The following THBS3 variants were observed in gnomAD, a reference collection of about 807,000 sequenced individuals.
The protein encoded by THBS3 is thrombospondin-3.
In THBS3, 78 loss-of-function variants were observed where a neutral mutation model predicts 118.3. That is an observed-to-expected ratio of 0.66 (90% CI 0.55 to 0.80). The LOEUF (loss-of-function observed/expected upper bound fraction) is 0.80, where lower values mean the gene tolerates loss of function less well. THBS3 is among the 30% of genes least tolerant of loss of function. THBS3 has a pLI of 0.00. For synonymous variants in THBS3, 427 were observed against 475.3 expected (o/e 0.90, Z 1.32); for missense variants, 1,057 against 1,247.4 (o/e 0.85, Z 2.30).
rs1491411368 is a variant in THBS3, at chr1:155,202,334, TCA to T, written c.1023_1024del (p.Cys341Ter). 1.9e-6 allele frequency: 3 copies of T among 1,614,064 alleles called. No individual in the cohort carries two copies. The South Asian group carries it at 3.3e-5, about 18-fold the overall frequency. ...GCCCTTGTACCCTCGAGGACAGGCC[TCA>T]CAGTGGAAGCCGGGCATGGTGTTGA... On this transcript the variant is annotated stop_gained and frameshift_variant, in exon 9 of 23. Transcript: ENST00000368378. LOFTEE classifies it high-confidence loss of function. This position sits in a 1 kb window ranked among gnomAD's most constrained non-coding sequence, Gnocchi z 5.5.
At chr1:155,208,723 G>T (rs535735384), upstream of THBS3, 1 of 466,384 alleles carries the variant, frequency 2.1e-6, no homozygotes. Context: ...CCTCCGCTCC[G>T]GCCGCCGCCA....
Position 155,201,219 on chromosome 1 carries a change from A to C in THBS3, c.1330-15T>G. On this transcript the variant is annotated splice_polypyrimidine_tract_variant and intron_variant, in intron 11 of 22. Coordinates refer to ENST00000368378, the MANE Select transcript of THBS3 (RefSeq NM_007112.5). ...CCCACGTTACACTAGGGCAACACAA[A>C]GGGTAGGAGCTAGCAGTTTGGTCTG... is the stretch of plus-strand genomic sequence containing the variant. 2 of 1,613,894 alleles carry C rather than the reference A, an allele frequency of 1.2e-6. No homozygotes were observed. The highest frequency in any genetic ancestry group is 1.7e-6 in the Non-Finnish European group (2 of 1,179,936).
Position 155,207,887 on chromosome 1 carries a change from C to T in THBS3, c.-11G>A. 1 of 1,613,578 alleles carries T rather than the reference C, an allele frequency of 6.2e-7. No homozygotes were observed. Among genetic ancestry groups the T allele is most frequent in the Non-Finnish European group, 8.5e-7 (1 of 1,179,874 alleles). ...TTCCTGCGTCTCCATGCCTCTCAGCCGGCTCACTACCCCTGGCAGGCAGGC... is the reference window on the plus strand; with the variant it reads ...TTCCTGCGTCTCCATGCCTCTCAGCTGGCTCACTACCCCTGGCAGGCAGGC... On this transcript the variant is annotated 5_prime_UTR_variant, in exon 1 of 23. Coordinates refer to ENST00000368378, the MANE Select transcript of THBS3 (RefSeq NM_007112.5).
chr1:155,199,855 G>C lies in THBS3; in HGVS notation c.1829C>G (p.Thr610Arg). The C allele has an allele frequency of 6.2e-7, 1 of 1,614,220 alleles. No individual in the cohort carries two copies. The highest frequency in any genetic ancestry group is 8.5e-7 in the Non-Finnish European group (1 of 1,180,038). The change falls in exon 16 of 23, where the codon ACA becomes AGA. Residue 610 changes from threonine (T) to arginine (R), a missense_variant and splice_region_variant. This residue lies in a region of THBS3 where 544 missense variants were observed against 715.6 expected (regional missense o/e 0.76). Transcript: ENST00000368378. The part of the protein sequence containing the change: ...SCPEMSNPTQ[T>R]DADSDLVGDV... ...CCCCACCAGGTCGCTGTCTGCATCT[G>C]TCTGAGAGAGAGGGACCTGTTCTCA...
At chr1:155,205,947 C>G (rs886705636) in intron 2 of THBS3, among the ~76,000 whole-genome samples, 16 of 152,186 alleles carry the variant, frequency 1.1e-4, no homozygotes, top group South Asian at 2.1e-4. Context: ...ACCCTCCTTC[C>G]AGGCATCCCC....
chr1:155,209,168 G>A, upstream of THBS3: 1 of 1,495,000 alleles, frequency 6.7e-7, no homozygotes, highest in South Asian at 1.3e-5. Context: ...CGCAACGATC[G>A]GAGGGGCGGT....
Position 155,195,954 on chromosome 1 carries a change from A to G in THBS3, c.2812+33T>C, listed in dbSNP as rs753547938. The G allele has an allele frequency of 1.6e-5, 26 of 1,614,086 alleles. No individual in the cohort carries two copies. In the East Asian group the frequency reaches 5.6e-4, roughly 35 times the overall value. On this transcript the variant is annotated intron_variant, in intron 22 of 22. Transcript: ENST00000368378. ...GGATGTGGCTCTCCCACAAGGCATG[A>G]AGGATTAGGTTGATCTCAATCAGCC...
intron 11 of THBS3, 96 bp downstream of exon 11, chr1:155,201,319 CCT>C: frequency 6.3e-7 from 1 of 1,575,404 alleles, no homozygotes; most frequent in South Asian, 1.2e-5. Context: ...CCCAGGCCCA[CCT>C]CTCTCCTATG....
At chr1:155,196,771 G>T in intron 21 of THBS3, 1 of 489,052 alleles carries the variant, frequency 2.0e-6, no homozygotes, top group Non-Finnish European at 3.7e-6. Flanking sequence ...GATGTGATGT[G>T]CCCCTTCACA....
chr1:155,202,309 G>T lies in THBS3; in HGVS notation c.1050C>A (p.Gly350=). 1.2e-6 allele frequency: 2 copies of T among 1,614,114 alleles called. No homozygotes were observed. Among genetic ancestry groups the T allele is most frequent in the Non-Finnish European group, 1.7e-6 (2 of 1,180,028 alleles). ...CAATGCCCACACCAGACACCTGTGT[G>T]CCCTTGTACCCTCGAGGACAGGCCT... ...HCEACPRGYK[G]TQVSGVGIDY... The change falls in exon 9 of 23, where the codon GGC becomes GGA. Residue 350 remains glycine, a synonymous_variant. Coordinates refer to ENST00000368378, the MANE Select transcript of THBS3 (RefSeq NM_007112.5). The surrounding 1 kb of genome is among the most constrained non-coding windows in gnomAD (Gnocchi z 5.5).
rs1318518434 is a variant in THBS3, at chr1:155,195,640, A to T, written c.*201T>A. 2 of 579,806 alleles carry T rather than the reference A, an allele frequency of 3.4e-6. No homozygotes were observed. The highest frequency in any genetic ancestry group is 6.2e-6 in the Non-Finnish European group (2 of 323,944). The allele number at this position is 579,806 out of a possible 1,614,324, so 35.9% of individuals were successfully genotyped here. A position where few individuals can be genotyped will look rare whatever the true frequency, so the allele number is the denominator to read the frequency against. ...ATGTGCTGTCATCTTTCCTGGGGTT[A>T]GTGCCTGAGTAATACCCCTTGAAAA... On this transcript the variant is annotated 3_prime_UTR_variant, in exon 23 of 23. Transcript: ENST00000368378.
rs1453300503 is a variant in THBS3 at position 155,200,976 on chromosome 1, C to A, written c.1469G>T (p.Gly490Val). The A allele has an allele frequency of 6.2e-7, 1 of 1,614,124 alleles. No homozygotes were observed. The highest frequency in any genetic ancestry group is 8.5e-7 in the Non-Finnish European group (1 of 1,180,022). Residue 490 changes from glycine (G) to valine (V), a missense_variant, in exon 13 of 23, where the codon GGG becomes GTG. Gly to Val is a moderately radical substitution (Grantham distance 109). Coordinates refer to ENST00000368378, the MANE Select transcript of THBS3 (RefSeq NM_007112.5). ...QDNCLLTPNS[G>V]QEDADNDGVG... ...ACCATCATTATCAGCATCTTCCTGCCCAGAGTTGGGTGTCAAAAGGCAGTT... is the reference window on the plus strand; with the variant it reads ...ACCATCATTATCAGCATCTTCCTGCACAGAGTTGGGTGTCAAAAGGCAGTT...
In THBS3 at chr1:155,203,505, C is replaced by T. The variant is rs892537254; in HGVS notation, c.673+8G>A. On this transcript the variant is annotated splice_region_variant and intron_variant, in intron 5 of 22. Coordinates refer to ENST00000368378, the MANE Select transcript of THBS3 (RefSeq NM_007112.5). ...CTCCCCGCTTCCGCTTCAGTGTGGCCTACTCACCTAGAATGGAGTGCAGTG... is the reference window on the plus strand; with the variant it reads ...CTCCCCGCTTCCGCTTCAGTGTGGCTTACTCACCTAGAATGGAGTGCAGTG... 3 of 1,613,516 alleles carry T rather than the reference C, an allele frequency of 1.9e-6. No homozygotes were observed. In the African/African-American group the frequency reaches 4.0e-5, roughly 22 times the overall value.
At position 155,202,165 on chromosome 1, in the gene THBS3, A is replaced by G. The variant is rs1669853754; in HGVS notation, c.1098+96T>C. 9 of 1,596,350 alleles carry G rather than the reference A, an allele frequency of 5.6e-6. No individual in the cohort carries two copies. Among genetic ancestry groups the G allele is most frequent in the Non-Finnish European group, 7.7e-6 (9 of 1,169,820 alleles). On this transcript the variant is annotated intron_variant, in intron 9 of 22. Coordinates refer to ENST00000368378, the MANE Select transcript of THBS3 (RefSeq NM_007112.5). This position sits in a 1 kb window ranked among gnomAD's most constrained non-coding sequence, Gnocchi z 5.5. ...ACCCAAAGCCGATGCAAAGCCATCC[A>G]TGTCCCATTCATCACAAGGGTCCCA...
rs749494725 is a variant in THBS3 at position 155,204,962 on chromosome 1, G to A, written c.544-5C>T. ...TTTCATAGATTCCACAAAGCCCTGG[G>A]GGGATAGCAGCAGAGTAAGGTGGGA... On this transcript the variant is annotated splice_region_variant and splice_polypyrimidine_tract_variant and intron_variant, in intron 3 of 22. Coordinates refer to ENST00000368378, the MANE Select transcript of THBS3 (RefSeq NM_007112.5). The A allele has an allele frequency of 1.9e-6, 3 of 1,613,800 alleles. No homozygotes were observed. Among genetic ancestry groups the A allele is most frequent in the Non-Finnish European group, 1.7e-6 (2 of 1,180,028 alleles).
Position 155,206,296 on chromosome 1 carries a change from G to T in THBS3, c.190C>A (p.Leu64Met). 6.2e-7 allele frequency: 1 copy of T among 1,614,188 alleles called. No individual in the cohort carries two copies. Among genetic ancestry groups the T allele is most frequent in the Non-Finnish European group, 8.5e-7 (1 of 1,180,016 alleles). Residue 64 changes from leucine (L) to methionine (M), a missense_variant, in exon 2 of 23, where the codon CTG (leucine) becomes ATG (methionine). This residue lies in a region of THBS3 where 206 missense variants were observed against 205.7 expected (regional missense o/e 1.00). Transcript: ENST00000368378. The surrounding 1 kb of genome is among the most constrained non-coding windows in gnomAD (Gnocchi z 4.2). ...AGGACACCACCCTGCTTGGGGGGCA[G>T]GCGGAAGGTGGATAAGAGGTAGATG... ...GDIYLLSTFRLPPKQGGVLFG... is the reference protein window; with the variant it reads ...GDIYLLSTFRMPPKQGGVLFG...
upstream of THBS3, chr1:155,208,039 A>G: frequency 1.6e-6 from 1 of 613,192 alleles, no homozygotes. Flanking sequence ...CCCTGGAGGC[A>G]TCATCAGCTC....
At chr1:155,201,036 C>T (rs377527791) in intron 12 of THBS3, 32 bp from the exon 13 acceptor site, 1 of 1,614,222 alleles carries the variant, frequency 6.2e-7, no homozygotes, top group African/African-American at 1.3e-5. Context: ...TGGATGAGTT[C>T]TGGCCTGACC....
intron 4 of THBS3, 108 bp downstream of exon 4, chr1:155,204,747 G>T: frequency 1.9e-6 from 2 of 1,027,756 alleles, no homozygotes; most frequent in Non-Finnish European, 3.1e-6. Flanking sequence ...CCTAGGAACA[G>T]GTGAGCCAAA....
Sources: gnomAD v4.1 joint callset for allele counts (sites outside exome capture counted in the v4.1 genomes callset) on GRCh38, gnomAD v4.1.1 for gene constraint, gnomAD v4.1.1 regional missense constraint, Gnocchi (gnomAD v3.1) non-coding constraint, MANE v1.5 for transcripts, NCBI Gene and HGNC (gene_info 2026-07-23, HGNC 2026-07-21) for gene names.